The following ARL14EPL variants were observed in gnomAD, a reference collection of about 807,000 sequenced individuals.
The protein encoded by ARL14EPL is ARF like GTPase 14 effector protein like.
ARL14EPL carries 17 observed loss-of-function variants against 15.9 expected under a neutral mutation model. The observed-to-expected ratio is 1.07, with a 90% CI of 0.73 to 1.60. ARL14EPL has a LOEUF of 1.60. Among genes scored for constraint, ARL14EPL ranks in the 40% most tolerant of loss-of-function variants. The pLI, the probability that ARL14EPL is intolerant of heterozygous loss-of-function variation, is 0.00. For missense variants in ARL14EPL, 214 were observed against 185.9 expected, an observed-to-expected ratio of 1.15 and a Z score of -0.88; for synonymous variants, 78 against 63.8, an observed-to-expected ratio of 1.22 and a Z score of -1.06.
intron 1 of ARL14EPL, among the ~76,000 whole-genome samples, chr5:116,039,070 G>C (rs1290796921): frequency 6.6e-6 from 1 of 152,166 alleles, no homozygotes; most frequent in Non-Finnish European, 1.5e-5. Flanking sequence ...GTGGCAGTCA[G>C]CTCTGCAGTT....
At chr5:116,050,311 G>C (rs1306173348) in intron 1 of ARL14EPL, among the ~76,000 whole-genome samples, 1 of 152,168 alleles carries the variant, frequency 6.6e-6, no homozygotes, top group Non-Finnish European at 1.5e-5. Flanking sequence ...TGTGTAGCCA[G>C]CGTTTAGCTC....
chr5:116,043,060 A>C lies in ARL14EPL; in HGVS notation c.-9-8397A>C, dbSNP rs1229478927. On this transcript the variant is annotated intron_variant, in intron 1 of 3. Transcript: ENST00000686077. The stretch of plus-strand genomic sequence containing the variant: ...CTCTCCTGTGTATGGGCATTTGAAT[A>C]TTTCACAGCTATAAACAGTGCTGCA... Among the ~76,000 whole-genome samples the C allele has an allele frequency of 2.0e-5, 3 of 152,090 alleles. No homozygotes were observed. In the South Asian group the frequency reaches 6.2e-4, roughly 31 times the overall value.
intron 1 of ARL14EPL, among the ~76,000 whole-genome samples, chr5:116,039,169 C>T (rs1200477491): frequency 6.6e-6 from 1 of 152,030 alleles, no homozygotes; most frequent in Non-Finnish European, 1.5e-5. Flanking sequence ...AAGGTCAGGT[C>T]CCGAACAGGG....
At chr5:116,051,743 T>G (rs1248403144) in intron 2 of ARL14EPL, among the ~76,000 whole-genome samples, 182 bp downstream of exon 2, 1 of 152,228 alleles carries the variant, frequency 6.6e-6, no homozygotes, top group African/African-American at 2.4e-5. Flanking sequence ...TGCTCTCGCC[T>G]CACACATCTC....
rs145706347 is a variant in ARL14EPL at position 116,039,415 on chromosome 5, C to A, written c.-10+6910C>A. On this transcript the variant is annotated intron_variant, in intron 1 of 3. Transcript: ENST00000686077. The stretch of plus-strand genomic sequence containing the variant: ...ATAGAAGAACAAATATACTACAAAG[C>A]AGAATAAAAGACCAAAAAAACTTCT... 1.2e-4 allele frequency among the ~76,000 whole-genome samples: 19 copies of A among 152,092 alleles called. No individual in the cohort carries two copies. The East Asian group carries it at 3.7e-3, about 29-fold the overall frequency.
At chr5:116,051,219 T>A in intron 1 of ARL14EPL, 1 of 443,028 alleles carries the variant, frequency 2.3e-6, no homozygotes, top group Non-Finnish European at 4.0e-6. Flanking sequence ...CTAAGGACTG[T>A]CAAAGGTACT....
At chr5:116,052,634 A>G (rs1220250660) in intron 2 of ARL14EPL, among the ~76,000 whole-genome samples, 1 of 152,230 alleles carries the variant, frequency 6.6e-6, no homozygotes, top group Non-Finnish European at 1.5e-5. Flanking sequence ...TTGTATGTAT[A>G]TGTCATAACC....
chr5:116,055,338 G>A (rs1391935606), intron 3 of ARL14EPL, among the ~76,000 whole-genome samples: 5 of 152,184 alleles, frequency 3.3e-5, no homozygotes, highest in Non-Finnish European at 7.3e-5. Context: ...TCTAATACAT[G>A]TATAGGGAGA....
intron 1 of ARL14EPL, among the ~76,000 whole-genome samples, chr5:116,042,913 G>T (rs898330318): frequency 2.0e-4 from 30 of 151,940 alleles, no homozygotes; most frequent in African/African-American, 6.5e-4. Context: ...ATATATTTTG[G>T]AAATTGTCTT....
intron 1 of ARL14EPL, among the ~76,000 whole-genome samples, chr5:116,037,483 C>T (rs77471947): frequency 0.037 from 5,561 of 152,204 alleles, 291 homozygotes; most frequent in East Asian, 0.16. Context: ...CTAGTGGAGA[C>T]GAAGATTCTG....
intron 3 of ARL14EPL, among the ~76,000 whole-genome samples, chr5:116,058,311 T>C (rs1268734369): frequency 1.3e-5 from 2 of 152,158 alleles, no homozygotes; most frequent in Non-Finnish European, 2.9e-5. Context: ...AAGAAAAAAA[T>C]AATCTGTTAG....
chr5:116,040,958 A>C lies in ARL14EPL; in HGVS notation c.-10+8453A>C, dbSNP rs559500562. 2.8e-3 allele frequency among the ~76,000 whole-genome samples: 283 copies of C among 99,906 alleles called. 6 individuals are homozygous for C. The highest frequency in any genetic ancestry group is 0.015 in the Admixed American group (122 of 8,214). The allele number at this position is 99,906 out of a possible 152,430, so 65.5% of individuals were successfully genotyped here. ...TAGCGCCACTGCACTCCAGCCTGGG[A>C]GACAGAACGAGATTCCCTCTCAAAA... On this transcript the variant is annotated intron_variant, in intron 1 of 3. Transcript: ENST00000686077.
At chr5:116,047,477 T>C (rs1163298115) in intron 1 of ARL14EPL, among the ~76,000 whole-genome samples, 1 of 152,232 alleles carries the variant, frequency 6.6e-6, no homozygotes, top group Non-Finnish European at 1.5e-5. Flanking sequence ...AAATGACTCT[T>C]TCTGAGCCTT....
intron 1 of ARL14EPL, among the ~76,000 whole-genome samples, chr5:116,048,956 G>C (rs1035133342): frequency 1.3e-5 from 2 of 152,184 alleles, no homozygotes; most frequent in African/African-American, 4.8e-5. Context: ...TCTCATTTAT[G>C]ATCAGGTTAT....
At chr5:116,056,280 C>T (rs1749515093) in intron 3 of ARL14EPL, among the ~76,000 whole-genome samples, 1 of 152,114 alleles carries the variant, frequency 6.6e-6, no homozygotes, top group Non-Finnish European at 1.5e-5. Context: ...TAAAAGTGTT[C>T]CTGTTTCTCC....
At chr5:116,047,618 A>G (rs1167625013) in intron 1 of ARL14EPL, among the ~76,000 whole-genome samples, 1 of 152,224 alleles carries the variant, frequency 6.6e-6, no homozygotes, top group Non-Finnish European at 1.5e-5. Flanking sequence ...GAAACCCAGC[A>G]AGTCCCTTGT....
At chr5:116,051,998 A>G (rs556008463) in intron 2 of ARL14EPL, 20 of 1,611,710 alleles carry the variant, frequency 1.2e-5, no homozygotes, top group African/African-American at 8.0e-5. Flanking sequence ...AACCAGTTTG[A>G]TAAGTCCTTT....
intron 1 of ARL14EPL, among the ~76,000 whole-genome samples, chr5:116,044,332 T>C (rs1240522381): frequency 6.6e-6 from 1 of 152,150 alleles, no homozygotes; most frequent in African/African-American, 2.4e-5. Context: ...CAAACCCTGG[T>C]GGCAGAGGAC....
At chr5:116,035,978 A>G (rs565142272) in intron 1 of ARL14EPL, among the ~76,000 whole-genome samples, 73 of 152,238 alleles carry the variant, frequency 4.8e-4, no homozygotes, top group Non-Finnish European at 1.2e-4. Flanking sequence ...TTTCTCTTCC[A>G]ACCTTCCACG....
Sources: allele counts gnomAD v4.1 joint callset (sites outside exome capture counted in the v4.1 genomes callset), GRCh38; gene constraint gnomAD v4.1.1; transcripts MANE v1.5; gene names NCBI Gene and HGNC (gene_info 2026-07-23, HGNC 2026-07-21).